The following LRRC20 variants were observed in gnomAD, a reference collection of about 807,000 sequenced individuals.
LRRC20 encodes the protein leucine-rich repeat-containing protein 20.
In LRRC20, 11 loss-of-function variants were observed where a neutral mutation model predicts 14.4. The ratio of observed to expected loss-of-function variants is 0.77; its 90% CI spans 0.48 to 1.27. The LOEUF is 1.27. Among genes scored for constraint, LRRC20 ranks in the 50% most tolerant of loss-of-function variants. LRRC20 has a pLI of 0.00. For missense variants in LRRC20, 219 were observed against 251.2 expected, an observed-to-expected ratio of 0.87 and a Z score of 0.87; for synonymous variants, 121 against 107.3, an observed-to-expected ratio of 1.13 and a Z score of -0.79.
chr10:70,324,102 T>C, intron 3 of LRRC20, 72 bp from the exon 4 acceptor site: 1 of 1,447,788 alleles, frequency 6.9e-7, no homozygotes, highest in Non-Finnish European at 9.6e-7. Context: ...GACTGCCCGC[T>C]GTGGCTCTCA....
At chr10:70,376,659 C>A in intron 1 of LRRC20, 63 bp from the exon 2 acceptor site, 1 of 816,186 alleles carries the variant, frequency 1.2e-6, no homozygotes, top group South Asian at 1.6e-5. Context: ...CAGGCATCCC[C>A]CTCCAGCATC....
In LRRC20 at chr10:70,360,709, C is replaced by A. The variant is rs538937855; in HGVS notation, c.82+15743G>T. ...CCTCCCGCCCTGGCCTCTCAAAGTGCGAGGATTACAGGTGTGAGCCACCAC... is the reference window on the plus strand; with the variant it reads ...CCTCCCGCCCTGGCCTCTCAAAGTGAGAGGATTACAGGTGTGAGCCACCAC... On this transcript the variant is annotated intron_variant, in intron 2 of 4. Coordinates refer to ENST00000446961, the MANE Select transcript of LRRC20 (RefSeq NM_001278212.2). 3.3e-5 allele frequency among the ~76,000 whole-genome samples: 5 copies of A among 152,040 alleles called. No homozygotes were observed. The South Asian group carries it at 1.0e-3, about 32-fold the overall frequency.
intron 1 of LRRC20, chr10:70,381,673 GCT>G (rs1564653964): frequency 6.6e-6 from 1 of 152,332 alleles, no homozygotes; most frequent in East Asian, 1.9e-4. Context: ...CCTACCGCTG[GCT>G]CCAGCCCGGG....
intron 3 of LRRC20, among the ~76,000 whole-genome samples, chr10:70,339,907 G>A (rs1260580943): frequency 6.6e-6 from 1 of 152,004 alleles, no homozygotes; most frequent in African/African-American, 2.4e-5. Context: ...GATCACCTGA[G>A]GTCAGGAGTT....
chr10:70,345,480 A>C (rs1387813114), intron 2 of LRRC20, among the ~76,000 whole-genome samples: 1 of 152,230 alleles, frequency 6.6e-6, no homozygotes, highest in African/African-American at 2.4e-5. Context: ...CATTAAAAAA[A>C]TATAAAACAC....
chr10:70,372,661 T>A (rs185273450), intron 2 of LRRC20, among the ~76,000 whole-genome samples: 1 of 151,918 alleles, frequency 6.6e-6, no homozygotes, highest in African/African-American at 2.4e-5. Flanking sequence ...CCAGGATGGT[T>A]TCGATCTCCT....
chr10:70,369,058 C>T (rs1844152067), intron 2 of LRRC20, among the ~76,000 whole-genome samples: 1 of 152,170 alleles, frequency 6.6e-6, no homozygotes, highest in Admixed American at 6.5e-5. Context: ...GGGGGCTGTC[C>T]CCATTGTTTC....
chr10:70,300,555 T>A lies in LRRC20; in HGVS notation c.*799A>T. 5.1e-6 allele frequency: 5 copies of A among 985,506 alleles called. No individual in the cohort carries two copies. The highest frequency in any genetic ancestry group is 6.0e-6 in the Non-Finnish European group (5 of 830,006). The allele number at this position is 985,506 out of a possible 1,614,324, so 61.0% of individuals were successfully genotyped here. ...TCACTTTAGACAAGAGCTGCAGGTG[T>A]AACTGACTCTGCTGTTCTCTGGGCC... On this transcript the variant is annotated 3_prime_UTR_variant, in exon 5 of 5. Transcript: ENST00000446961.
intron 3 of LRRC20, among the ~76,000 whole-genome samples, chr10:70,332,665 C>T (rs1328730490): frequency 6.6e-6 from 1 of 152,144 alleles, no homozygotes; most frequent in East Asian, 1.9e-4. Context: ...TAAGGTAGCT[C>T]TTTTTTCTTG....
intron 4 of LRRC20, among the ~76,000 whole-genome samples, chr10:70,306,098 TTCTG>T (rs765374314): frequency 1.3e-5 from 1 of 75,214 alleles, no homozygotes; most frequent in Non-Finnish European, 3.0e-5. Flanking sequence ...TGCATGCATT[TTCTG>T]TCTCTCTCTC....
Position 70,358,249 on chromosome 10 carries a change from T to C in LRRC20, c.83-17547A>G, listed in dbSNP as rs145170062. Among the ~76,000 whole-genome samples, 1,361 of 152,206 alleles carry C rather than the reference T, an allele frequency of 8.9e-3. 15 individuals are homozygous for C. Among genetic ancestry groups the C allele is most frequent in the South Asian group, 0.056 (269 of 4,810 alleles). ...AAATGTGGGATGCACAAAACTACTCTCAAGGTTATCTTCGGGTGTGATGAG... is the reference window on the plus strand; with the variant it reads ...AAATGTGGGATGCACAAAACTACTCCCAAGGTTATCTTCGGGTGTGATGAG... On this transcript the variant is annotated intron_variant, in intron 2 of 4. Coordinates refer to ENST00000446961, the MANE Select transcript of LRRC20 (RefSeq NM_001278212.2).
chr10:70,350,216 G>A (rs1449818390), intron 2 of LRRC20, among the ~76,000 whole-genome samples: 2 of 152,232 alleles, frequency 1.3e-5, no homozygotes, highest in Non-Finnish European at 2.9e-5. Context: ...CATGTAGACA[G>A]CAGCTAGACT....
intron 4 of LRRC20, among the ~76,000 whole-genome samples, chr10:70,306,661 G>A (rs1841437625): frequency 7.9e-5 from 12 of 152,088 alleles, no homozygotes; most frequent in Admixed American, 7.9e-4. Flanking sequence ...AATTACTATT[G>A]TGTGTTTTTT....
chr10:70,382,098 G>A (rs1167054237), intron 1 of LRRC20, among the ~76,000 whole-genome samples: 1 of 152,214 alleles, frequency 6.6e-6, no homozygotes, highest in African/African-American at 2.4e-5. Flanking sequence ...CACGCTGCCC[G>A]GAGGCCGAGA....
Position 70,340,657 on chromosome 10 carries a change from T to C in LRRC20, c.128A>G (p.Lys43Arg). 1 of 1,614,204 alleles carries C rather than the reference T, an allele frequency of 6.2e-7. No homozygotes were observed. The highest frequency in any genetic ancestry group is 1.1e-5 in the South Asian group (1 of 91,076). Residue 43 changes from lysine (K) to arginine (R), a missense_variant, in exon 3 of 5, where the codon AAG becomes AGG. Physicochemically the swap from Lys to Arg is conservative, Grantham distance 26. Transcript: ENST00000446961. ...CTGGCCAGAGACATTCCGCAGGACC[T>C]TGTAGATGCCAATGGGAAAGGAGAC... ...KLVSFPIGIY[K>R]VLRNVSGQIH...
At chr10:70,353,401 T>A (rs1053449426) in intron 2 of LRRC20, among the ~76,000 whole-genome samples, 1 of 151,590 alleles carries the variant, frequency 6.6e-6, no homozygotes, top group Non-Finnish European at 1.5e-5. Context: ...AACATCCCCA[T>A]GAGACAGGCA....
intron 2 of LRRC20, among the ~76,000 whole-genome samples, chr10:70,373,505 G>A (rs753170972): frequency 3.3e-5 from 5 of 152,198 alleles, no homozygotes; most frequent in South Asian, 2.1e-4. Context: ...CCCTTAGAGT[G>A]TATAAGCCTG....
chr10:70,300,528 A>G lies in LRRC20; in HGVS notation c.*826T>C. On this transcript the variant is annotated 3_prime_UTR_variant, in exon 5 of 5. Coordinates refer to ENST00000446961, the MANE Select transcript of LRRC20 (RefSeq NM_001278212.2). ...TGGACAGTGGTGAGGGTGGCCATCT[A>G]ATCACTTTAGACAAGAGCTGCAGGT... The G allele has an allele frequency of 1.0e-6, 1 of 985,486 alleles. No individual in the cohort carries two copies. The highest frequency in any genetic ancestry group is 4.7e-5 in the South Asian group (1 of 21,288). The allele number at this position is 985,486 out of a possible 1,614,324, so 61.0% of individuals were successfully genotyped here.
intron 2 of LRRC20, among the ~76,000 whole-genome samples, chr10:70,360,367 T>TCCA (rs1311810895): frequency 1.4e-5 from 2 of 148,100 alleles, no homozygotes; most frequent in Non-Finnish European, 3.0e-5. Flanking sequence ...ATTGCTTTCC[T>TCCA]CCTCCTCCTC....
Sources: allele counts gnomAD v4.1 joint callset (sites outside exome capture counted in the v4.1 genomes callset), GRCh38; gene constraint gnomAD v4.1.1; transcripts MANE v1.5; gene names NCBI Gene and HGNC (gene_info 2026-07-23, HGNC 2026-07-21).